ATG2B: variants seen among roughly 807,000 people sequenced by gnomAD.
The protein encoded by ATG2B is autophagy related 2B.
Under a neutral mutation model 241.3 loss-of-function variants are expected in ATG2B, and 121 were observed. The ratio of observed to expected loss-of-function variants is 0.50; its 90% confidence interval spans 0.43 to 0.58. The LOEUF is 0.58. Ranked by LOEUF, ATG2B falls within the 20% of genes least tolerant of loss-of-function variation. The pLI is 0.00. For synonymous variants in ATG2B, 858 were observed against 876.6 expected (o/e 0.98, Z 0.37); for missense variants, 2,306 against 2,491.6 (o/e 0.93, Z 1.59).
At chr14:96,320,543 A>G (rs1195565366) in intron 18 of ATG2B, among the ~76,000 whole-genome samples, 1 of 152,050 alleles carries the variant, frequency 6.6e-6, no homozygotes. Flanking sequence ...GGAAAGGGGG[A>G]AAAAAAGACA....
chr14:96,325,995 T>G, intron 14 of ATG2B, 73 bp from the exon 15 acceptor site: 2 of 1,390,334 alleles, frequency 1.4e-6, no homozygotes, highest in Non-Finnish European at 2.0e-6. Flanking sequence ...TATTCAACAT[T>G]ACAATATGTA....
intron 13 of ATG2B, 67 bp from the exon 14 acceptor site, chr14:96,328,602 A>G: frequency 6.4e-7 from 1 of 1,556,000 alleles, no homozygotes; most frequent in Admixed American, 2.0e-5. Context: ...TTGGGTTAAA[A>G]CCTTATAATT....
chr14:96,301,898 A>G (rs1222127000), intron 34 of ATG2B, 109 bp downstream of exon 34: 1 of 813,566 alleles, frequency 1.2e-6, no homozygotes, highest in Non-Finnish European at 1.9e-6. Flanking sequence ...TTTGCTTTAT[A>G]TATGTAACCG....
chr14:96,347,376 A>AG (rs1888197924), intron 1 of ATG2B, 35 bp from the exon 2 acceptor site: 2 of 1,501,110 alleles, frequency 1.3e-6, no homozygotes, highest in Admixed American at 3.6e-5. Flanking sequence ...ATGAATCACA[A>AG]GAACAAGAAC....
Position 96,289,611 on chromosome 14 carries a change from A to G in ATG2B, c.6006+45T>C. The stretch of plus-strand genomic sequence containing the variant: ...ATGCTCTTTAGGTGAAAGTTGGGAA[A>G]GCGCACAGAAGGGTTCTGATGTGTC... On this transcript the variant is annotated intron_variant, in intron 41 of 41. Transcript: ENST00000359933. This position sits in a 1 kb window ranked among gnomAD's most constrained non-coding sequence, Gnocchi z 4.3. 1 of 1,593,208 alleles carries G rather than the reference A, an allele frequency of 6.3e-7. No homozygotes were observed. The highest frequency in any genetic ancestry group is 8.5e-7 in the Non-Finnish European group (1 of 1,170,430).
At chr14:96,312,982 C>A in intron 25 of ATG2B, 83 bp downstream of exon 25, 1 of 869,580 alleles carries the variant, frequency 1.1e-6, no homozygotes, top group Non-Finnish European at 1.7e-6. Context: ...AAAATTGAGA[C>A]TTTAATAAAA....
chr14:96,338,816 C>G (rs184310969), intron 6 of ATG2B, among the ~76,000 whole-genome samples: 2 of 152,076 alleles, frequency 1.3e-5, no homozygotes, highest in African/African-American at 4.8e-5. Flanking sequence ...TTCTGCTCAG[C>G]AAAAGAAATA....
chr14:96,334,553 C>A, intron 6 of ATG2B, 52 bp from the exon 7 acceptor site: 2 of 1,062,716 alleles, frequency 1.9e-6, no homozygotes, highest in South Asian at 1.5e-5. Flanking sequence ...ATAACCTTAT[C>A]ACCATAAACG....
At position 96,305,760 on chromosome 14, in the gene ATG2B, CTT is replaced by C. The variant is rs1033893350; in HGVS notation, c.4560_4561del (p.Ile1520MetfsTer10). ...AACGGGCAGACTGAAATAATTGTCT[CTT>C]ATCACAATTGCATCATCAACCATGA... On this transcript the variant is annotated frameshift_variant, in exon 31 of 42. Coordinates refer to ENST00000359933, the MANE Select transcript of ATG2B (RefSeq NM_018036.7). LOFTEE classifies it high-confidence loss of function. 5 of 1,614,158 alleles carry C rather than the reference CTT, an allele frequency of 3.1e-6. No individual in the cohort carries two copies. The highest frequency in any genetic ancestry group is 4.2e-6 in the Non-Finnish European group (5 of 1,180,014).
Position 96,304,157 on chromosome 14 carries a change from T to G in ATG2B, c.4842+338A>C, listed in dbSNP as rs1220712274. On this transcript the variant is annotated intron_variant, in intron 32 of 41. Coordinates refer to ENST00000359933, the MANE Select transcript of ATG2B (RefSeq NM_018036.7). ...ACAGATGCTCTAGGGCAGCATCTCC[T>G]CAGTCTGACCCTACCTCAGACTTCC... Among the ~76,000 whole-genome samples, 4 of 152,240 alleles carry G rather than the reference T, an allele frequency of 2.6e-5. No homozygotes were observed. In the East Asian group the frequency reaches 7.7e-4, roughly 29 times the overall value.
chr14:96,349,867 C>T (rs533499159), intron 1 of ATG2B, among the ~76,000 whole-genome samples: 1 of 152,092 alleles, frequency 6.6e-6, no homozygotes, highest in Non-Finnish European at 1.5e-5. Flanking sequence ...ACATTACAAA[C>T]ACAGAGGGTA....
At chr14:96,297,294 A>T (rs934597734) in intron 34 of ATG2B, among the ~76,000 whole-genome samples, 35 of 139,244 alleles carry the variant, frequency 2.5e-4, no homozygotes, top group African/African-American at 8.8e-4. Flanking sequence ...TTTCCTCTTT[A>T]AAAAAAAAAA....
rs1886160448 is a variant in ATG2B, at chr14:96,280,166, T to G, written c.*5589A>C. The stretch of plus-strand genomic sequence containing the variant: ...CAGGAAGAGATCAAGCACATTTTCT[T>G]GCTCAAATATTCTAAGAGCCTTTAA... On this transcript the variant is annotated 3_prime_UTR_variant, in exon 42 of 42. Transcript: ENST00000359933. 2 of 152,274 alleles carry G rather than the reference T, an allele frequency of 1.3e-5. No homozygotes were observed. Among genetic ancestry groups the G allele is most frequent in the Non-Finnish European group, 2.9e-5 (2 of 68,064 alleles). 9.4% of individuals were successfully genotyped at this position (152,274 alleles called of 1,614,324 possible). A position where few individuals can be genotyped will look rare whatever the true frequency, so the allele number is the denominator to read the frequency against.
chr14:96,315,749 A>C (rs1887293093), intron 21 of ATG2B, among the ~76,000 whole-genome samples, 166 bp from the exon 22 acceptor site: 1 of 152,210 alleles, frequency 6.6e-6, no homozygotes, highest in Non-Finnish European at 1.5e-5. Context: ...CCTCTTTGCT[A>C]ATGTTAGTGT....
Position 96,309,688 on chromosome 14 carries a change from A to G in ATG2B, c.4162-94T>C. On this transcript the variant is annotated intron_variant, in intron 28 of 41. Transcript: ENST00000359933. The stretch of plus-strand genomic sequence containing the variant: ...TTATCCCAAAAATACATTACATTGT[A>G]CAAAAACATCAGAAATAGAAACCTA... 4 of 1,203,446 alleles carry G rather than the reference A, an allele frequency of 3.3e-6. No homozygotes were observed. In the South Asian group the frequency reaches 5.3e-5, roughly 16 times the overall value. The allele number at this position is 1,203,446 out of a possible 1,614,324, so 74.5% of individuals were successfully genotyped here.
At position 96,302,022 on chromosome 14, in the gene ATG2B, G is replaced by A; in HGVS notation, c.5124C>T (p.Arg1708=). The change falls in exon 34 of 42, where the codon CGC becomes CGT. Residue 1708 remains arginine, a synonymous_variant. Coordinates refer to ENST00000359933, the MANE Select transcript of ATG2B (RefSeq NM_018036.7). Reference sequence around the variant, plus strand: ...TGCTACAAACCTGGTCAATATTGAGGCGGAGCGGCATCAGCGACACTCTCA... The same window carrying A: ...TGCTACAAACCTGGTCAATATTGAGACGGAGCGGCATCAGCGACACTCTCA... The part of the protein sequence containing the change: ...CCLRVSLMPL[R]LNIDQDALFF... The A allele has an allele frequency of 6.2e-7, 1 of 1,613,892 alleles. No individual in the cohort carries two copies. The highest frequency in any genetic ancestry group is 8.5e-7 in the Non-Finnish European group (1 of 1,179,848).
In ATG2B at chr14:96,290,198, A is replaced by G. The variant is rs112106686; in HGVS notation, c.5856+238T>C. The G allele has an allele frequency of 7.7e-7, 1 of 1,306,192 alleles. No homozygotes were observed. Among genetic ancestry groups the G allele is most frequent in the African/African-American group, 1.5e-5 (1 of 67,288 alleles). The allele number at this position is 1,306,192 out of a possible 1,614,324, so 80.9% of individuals were successfully genotyped here. On this transcript the variant is annotated intron_variant, in intron 40 of 41. Transcript: ENST00000359933. This position sits in a 1 kb window ranked among gnomAD's most constrained non-coding sequence, Gnocchi z 4.4. ...GGTGAAATCAATCCTCTGCTAACTT[A>G]ATGTTTACAATTTACCTGAAATAGG... is the stretch of plus-strand genomic sequence containing the variant.
chr14:96,294,774 G>A (rs1886583800), intron 36 of ATG2B, among the ~76,000 whole-genome samples, 186 bp downstream of exon 36: 1 of 152,150 alleles, frequency 6.6e-6, no homozygotes, highest in Admixed American at 6.5e-5. Context: ...TTGGAACCAG[G>A]TTACTATGTG....
At chr14:96,328,302 G>T in intron 14 of ATG2B, 45 bp downstream of exon 14, 1 of 1,362,356 alleles carries the variant, frequency 7.3e-7, no homozygotes, top group Non-Finnish European at 1.0e-6. Flanking sequence ...AACCCTATTA[G>T]CTAACCATAA....
Sources: allele counts gnomAD v4.1 joint callset (sites outside exome capture counted in the v4.1 genomes callset), GRCh38; gene constraint gnomAD v4.1.1; non-coding constraint Gnocchi (gnomAD v3.1); transcripts MANE v1.5; gene names NCBI Gene and HGNC (gene_info 2026-07-23, HGNC 2026-07-21).